Variants in ERI1 observed in about 807,000 individuals in gnomAD.
ERI1 encodes 3'-5' exoribonuclease 1.
A neutral mutation model predicts 39.7 loss-of-function variants in ERI1; 39 were observed. The observed-to-expected ratio is 0.98, with a 90% CI of 0.76 to 1.28. The LOEUF (loss-of-function observed/expected upper bound fraction) is 1.28. Ranked by LOEUF, ERI1 falls within the 50% of genes most tolerant of loss-of-function variation. The probability of loss-of-function intolerance (pLI) is 0.00; values close to 1 mark genes in which losing one functional copy is unlikely to be tolerated. For synonymous variants in ERI1, 204 were observed against 149.6 expected, an observed-to-expected ratio of 1.36 and a Z score of -2.65; for missense variants, 581 against 416.9, an observed-to-expected ratio of 1.39 and a Z score of -3.43.
At chr8:9,078,393 G>C (rs953845359) in intron 3 of ERI1, among the ~76,000 whole-genome samples, 4 of 151,892 alleles carry the variant, frequency 2.6e-5, no homozygotes, top group African/African-American at 9.7e-5. Flanking sequence ...TGGGAGAGTA[G>C]TATTCCCATT....
intron 4 of ERI1, among the ~76,000 whole-genome samples, chr8:9,017,005 C>G (rs898105158): frequency 1.3e-5 from 2 of 152,022 alleles, no homozygotes; most frequent in Admixed American, 1.3e-4. Flanking sequence ...TAGAATGTAT[C>G]TGTTTACAAC....
At chr8:9,066,355 C>A (rs937011630) in intron 3 of ERI1, among the ~76,000 whole-genome samples, 1 of 152,176 alleles carries the variant, frequency 6.6e-6, no homozygotes, top group Non-Finnish European at 1.5e-5. Context: ...TGTGACACAG[C>A]GGGCTCCCCG....
At chr8:9,093,506 A>C (rs1322956034) in intron 3 of ERI1, among the ~76,000 whole-genome samples, 1 of 111,200 alleles carries the variant, frequency 9.0e-6, no homozygotes, top group Non-Finnish European at 2.1e-5. Context: ...CTTGTCTCTA[A>C]AAAAAAAAAA....
At position 9,032,844 on chromosome 8, in the gene ERI1, C is replaced by A. The variant is rs141745245; in HGVS notation, c.*2810C>A. 2.1e-4 allele frequency: 32 copies of A among 152,250 alleles called. No homozygotes were observed. The highest frequency in any genetic ancestry group is 7.0e-4 in the African/African-American group (29 of 41,538). 9.4% of individuals were successfully genotyped at this position (152,250 alleles called of 1,614,324 possible). ...CTGTAGTTGCCAAAGAAACTACCTGCCTCACAGATGAGCACGCACGGGTGC... is the reference window on the plus strand; with the variant it reads ...CTGTAGTTGCCAAAGAAACTACCTGACTCACAGATGAGCACGCACGGGTGC... On this transcript the variant is annotated 3_prime_UTR_variant, in exon 7 of 7. Transcript: ENST00000250263.
rs775980931 is a variant in ERI1, at chr8:9,033,122, T to G, written c.*3088T>G. 2.0e-5 allele frequency: 3 copies of G among 152,186 alleles called. No individual in the cohort carries two copies. Among genetic ancestry groups the G allele is most frequent in the Non-Finnish European group, 4.4e-5 (3 of 68,046 alleles). 9.4% of individuals were successfully genotyped at this position (152,186 alleles called of 1,614,324 possible). ...GCACCACCAACCTGTATATCAAGCC[T>G]CCTTGCCCCACAAAGCTTCCAAAGC... is the stretch of plus-strand genomic sequence containing the variant. On this transcript the variant is annotated 3_prime_UTR_variant, in exon 7 of 7. Coordinates refer to ENST00000250263, the MANE Select transcript of ERI1 (RefSeq NM_153332.4).
intron 3 of ERI1, among the ~76,000 whole-genome samples, chr8:9,045,003 C>T (rs974414562): frequency 2.6e-4 from 40 of 152,010 alleles, no homozygotes; most frequent in African/African-American, 9.4e-4. Context: ...TTTGGGAGGC[C>T]GAGTCAGGCG....
chr8:9,051,610 C>G (rs928805619), intron 3 of ERI1, among the ~76,000 whole-genome samples: 1 of 151,396 alleles, frequency 6.6e-6, no homozygotes, highest in Non-Finnish European at 1.5e-5. Flanking sequence ...TGAGCCGAGA[C>G]TGTACCACTG....
At chr8:9,040,563 A>T (rs1257175617) in intron 3 of ERI1, among the ~76,000 whole-genome samples, 1 of 152,210 alleles carries the variant, frequency 6.6e-6, no homozygotes, top group East Asian at 1.9e-4. Flanking sequence ...TTCCAAATTA[A>T]TTAGGTCATC....
chr8:9,036,597 C>T (rs181856172), downstream of ERI1, among the ~76,000 whole-genome samples: 65 of 152,350 alleles, frequency 4.3e-4, no homozygotes, highest in Admixed American at 1.3e-3. Context: ...CATTGTGATA[C>T]TCCCTTTATT....
At chr8:9,064,476 G>T (rs529862138) in intron 3 of ERI1, among the ~76,000 whole-genome samples, 3 of 149,398 alleles carry the variant, frequency 2.0e-5, no homozygotes, top group African/African-American at 4.9e-5. Context: ...GACTGGCACC[G>T]GAGTTTTGGG....
intron 3 of ERI1, among the ~76,000 whole-genome samples, chr8:9,098,522 A>G (rs1225714180): frequency 2.0e-5 from 3 of 152,152 alleles, no homozygotes; most frequent in African/African-American, 7.2e-5. Flanking sequence ...ACTCCATCTC[A>G]ACAACAATAA....
At chr8:9,015,687 A>G (rs574787416) in intron 3 of ERI1, among the ~76,000 whole-genome samples, 11 of 132,636 alleles carry the variant, frequency 8.3e-5, no homozygotes, top group African/African-American at 3.2e-4. Flanking sequence ...GTGGCAGTGC[A>G]CTCCAGCCTG....
intron 3 of ERI1, chr8:9,062,664 T>G (rs1042581393): frequency 1.3e-5 from 2 of 150,252 alleles, no homozygotes; most frequent in African/African-American, 4.8e-5. Flanking sequence ...GTGATGGTCC[T>G]GTAGGCTTCC....
intron 3 of ERI1, among the ~76,000 whole-genome samples, chr8:9,061,264 T>G (rs1170505294): frequency 6.6e-6 from 1 of 152,072 alleles, no homozygotes; most frequent in East Asian, 1.9e-4. Flanking sequence ...GTCAGGTGGA[T>G]CAGCCAGATA....
In ERI1 at chr8:9,020,341, A is replaced by G; in HGVS notation, c.693-9A>G. 2 of 1,504,702 alleles carry G rather than the reference A, an allele frequency of 1.3e-6. No homozygotes were observed. The highest frequency in any genetic ancestry group is 1.8e-6 in the Non-Finnish European group (2 of 1,118,848). The allele number at this position is 1,504,702 out of a possible 1,614,324, so 93.2% of individuals were successfully genotyped here. The stretch of plus-strand genomic sequence containing the variant: ...TTTCATCAATTTTTTGTCCTTTTTT[A>G]ATTTATAGTTCTTGGGATATGAGTA... On this transcript the variant is annotated splice_polypyrimidine_tract_variant and intron_variant, in intron 5 of 6. Coordinates refer to ENST00000250263, the MANE Select transcript of ERI1 (RefSeq NM_153332.4).
intron 3 of ERI1, among the ~76,000 whole-genome samples, chr8:9,055,039 G>A (rs1179733950): frequency 6.6e-6 from 1 of 152,218 alleles, no homozygotes; most frequent in African/African-American, 2.4e-5. Context: ...ATTTAACAGA[G>A]TTTAATTGAG....
Position 9,002,935 on chromosome 8 carries a change from T to C in ERI1, c.-129T>C. The C allele has an allele frequency of 1.6e-6, 1 of 635,678 alleles. No individual in the cohort carries two copies. The highest frequency in any genetic ancestry group is 1.9e-5 in the African/African-American group (1 of 53,270). The allele number at this position is 635,678 out of a possible 1,614,324, so 39.4% of individuals were successfully genotyped here. A position where few individuals can be genotyped will look rare whatever the true frequency, so the allele number is the denominator to read the frequency against. ...AGTGGGAGGTGGCCGCTGGAGTTTG[T>C]GTGGCCGCCGCCGCGGGAACGCGAG... On this transcript the variant is annotated 5_prime_UTR_variant, in exon 1 of 7. Transcript: ENST00000250263.
At chr8:9,057,976 G>A (rs532390805) in intron 3 of ERI1, among the ~76,000 whole-genome samples, 2 of 152,180 alleles carry the variant, frequency 1.3e-5, no homozygotes, top group Non-Finnish European at 2.9e-5. Flanking sequence ...GGATCTCATA[G>A]GGTCTTGGGG....
chr8:9,008,915 C>T (rs555618373), intron 2 of ERI1: 1 of 433,432 alleles, frequency 2.3e-6, no homozygotes, highest in East Asian at 7.1e-5. Flanking sequence ...TATTCTTCCT[C>T]TTTAGAGTTT....
Sources: gnomAD v4.1 joint callset for allele counts (sites outside exome capture counted in the v4.1 genomes callset) on GRCh38, gnomAD v4.1.1 for gene constraint, MANE v1.5 for transcripts, NCBI Gene and HGNC (gene_info 2026-07-23, HGNC 2026-07-21) for gene names.